UVRAG: variants seen among roughly 807,000 people sequenced by gnomAD.
The protein encoded by UVRAG is UV radiation resistance associated.
UVRAG carries 19 observed loss-of-function variants against 78.0 expected under a neutral mutation model. The observed-to-expected ratio is 0.24, with a 90% CI of 0.17 to 0.36. UVRAG has a LOEUF of 0.36. UVRAG is among the 10% of genes least tolerant of loss of function. The pLI, the probability that UVRAG is intolerant of heterozygous loss-of-function variation, is 1.00. For missense variants in UVRAG, 740 were observed against 853.8 expected, an observed-to-expected ratio of 0.87 and a Z score of 1.66; for synonymous variants, 323 against 324.6, an observed-to-expected ratio of 1.00 and a Z score of 0.05.
chr11:75,826,715 A>G (rs1276345123), intron 1 of UVRAG, among the ~76,000 whole-genome samples: 7 of 143,234 alleles, frequency 4.9e-5, no homozygotes, highest in African/African-American at 1.9e-4. Flanking sequence ...TTTTTTTTAA[A>G]TGTTCTACTT....
intron 12 of UVRAG, among the ~76,000 whole-genome samples, chr11:76,028,208 C>T (rs1950365179): frequency 1.3e-5 from 2 of 152,106 alleles, no homozygotes; most frequent in South Asian, 4.1e-4. Flanking sequence ...ATACAAACCA[C>T]ACCAATATAA....
intron 7 of UVRAG, among the ~76,000 whole-genome samples, chr11:75,979,266 T>G (rs1949333036): frequency 6.6e-6 from 1 of 152,190 alleles, no homozygotes; most frequent in South Asian, 2.1e-4. Context: ...CCTGGCCGTA[T>G]GAGGTGTCAG....
chr11:75,916,328 A>G (rs1478953247), intron 6 of UVRAG: 1 of 152,244 alleles, frequency 6.6e-6, no homozygotes, highest in Non-Finnish European at 1.5e-5. Context: ...CTCTTCTATT[A>G]GGAATATTGT....
intron 8 of UVRAG, among the ~76,000 whole-genome samples, chr11:75,998,894 A>G (rs1222201923): frequency 6.6e-6 from 1 of 152,142 alleles, no homozygotes; most frequent in Non-Finnish European, 1.5e-5. Context: ...TCTTTTTTCT[A>G]TGGCTGCCTT....
intron 12 of UVRAG, among the ~76,000 whole-genome samples, chr11:76,060,846 C>A (rs1043193726): frequency 6.6e-6 from 1 of 152,256 alleles, no homozygotes; most frequent in Non-Finnish European, 1.5e-5. Context: ...TGAGCCTCCC[C>A]CTCCTCCGTG....
intron 6 of UVRAG, among the ~76,000 whole-genome samples, chr11:75,946,195 C>G (rs1472185828): frequency 6.6e-6 from 1 of 152,122 alleles, no homozygotes; most frequent in African/African-American, 2.4e-5. Flanking sequence ...TGTTTTTTCT[C>G]TTAACACTAG....
chr11:76,035,319 A>C (rs1195559792), intron 12 of UVRAG, among the ~76,000 whole-genome samples: 1 of 152,190 alleles, frequency 6.6e-6, no homozygotes, highest in Non-Finnish European at 1.5e-5. Context: ...GGAGGTTCAT[A>C]GTTGCTTAGA....
chr11:75,880,244 T>C (rs570392215), intron 4 of UVRAG, among the ~76,000 whole-genome samples: 1 of 152,248 alleles, frequency 6.6e-6, no homozygotes, highest in Non-Finnish European at 1.5e-5. Context: ...TTTGAATCAT[T>C]GCCTAGTTTA....
At chr11:76,071,362 C>T (rs1443316332) in intron 13 of UVRAG, among the ~76,000 whole-genome samples, 1 of 152,128 alleles carries the variant, frequency 6.6e-6, no homozygotes, top group African/African-American at 2.4e-5. Context: ...TAGGAAAGAG[C>T]TATGTTGAGG....
chr11:76,112,730 C>CTTT (rs10686022), intron 13 of UVRAG, among the ~76,000 whole-genome samples: 2,782 of 139,394 alleles, frequency 0.02, 35 homozygotes, highest in South Asian at 0.041. Flanking sequence ...TTTTTCTTTT[C>CTTT]TTTTTTTTTT....
intron 8 of UVRAG, among the ~76,000 whole-genome samples, chr11:75,994,344 A>G (rs1439561166): frequency 6.6e-6 from 1 of 152,184 alleles, no homozygotes; most frequent in African/African-American, 2.4e-5. Flanking sequence ...GGCAGATGTT[A>G]CCCTCATTGT....
intron 6 of UVRAG, among the ~76,000 whole-genome samples, chr11:75,941,567 C>T (rs1307356117): frequency 2.0e-5 from 3 of 152,018 alleles, no homozygotes; most frequent in Non-Finnish European, 4.4e-5. Context: ...AAATGTTGAT[C>T]CACTTGTTTA....
intron 14 of UVRAG, 25 bp downstream of exon 14, chr11:76,116,040 C>G: frequency 6.3e-7 from 1 of 1,599,588 alleles, no homozygotes; most frequent in South Asian, 1.1e-5. Context: ...CTCTGATAAC[C>G]AGAAACTGTA....
At chr11:75,986,663 A>T (rs1949506938) in intron 8 of UVRAG, among the ~76,000 whole-genome samples, 1 of 152,192 alleles carries the variant, frequency 6.6e-6, no homozygotes, top group South Asian at 2.1e-4. Flanking sequence ...AAAGTGTATA[A>T]TTCAGTTTTT....
At chr11:76,138,031 A>G (rs115845370) in intron 14 of UVRAG, among the ~76,000 whole-genome samples, 53 of 152,346 alleles carry the variant, frequency 3.5e-4, no homozygotes, top group African/African-American at 1.2e-3. Flanking sequence ...AGGGAACTGG[A>G]GAAGAATGTC....
chr11:75,963,186 C>T (rs1335528231), intron 7 of UVRAG, among the ~76,000 whole-genome samples: 6 of 152,196 alleles, frequency 3.9e-5, no homozygotes, highest in African/African-American at 1.4e-4. Flanking sequence ...TCTCTAAGCT[C>T]TATAAGGCGA....
chr11:76,065,877 T>G, intron 13 of UVRAG, 89 bp downstream of exon 13: 1 of 1,184,804 alleles, frequency 8.4e-7, no homozygotes, highest in Non-Finnish European at 1.2e-6. Context: ...AAATATGCAC[T>G]GCAGTTGACC....
intron 1 of UVRAG, among the ~76,000 whole-genome samples, chr11:75,822,266 C>A (rs559132734): frequency 1.8e-4 from 28 of 152,272 alleles, no homozygotes; most frequent in African/African-American, 6.3e-4. Context: ...TTGATTCTAA[C>A]TTTTATCATC....
chr11:75,938,205 T>C (rs1341197645), intron 6 of UVRAG, among the ~76,000 whole-genome samples: 2 of 152,168 alleles, frequency 1.3e-5, no homozygotes, highest in Non-Finnish European at 2.9e-5. Flanking sequence ...AAGTTCAATT[T>C]GGGTTTTTCA....
Sources: gnomAD v4.1 joint callset for allele counts (sites outside exome capture counted in the v4.1 genomes callset) on GRCh38, gnomAD v4.1.1 for gene constraint, MANE v1.5 for transcripts, NCBI Gene and HGNC (gene_info 2026-07-23, HGNC 2026-07-21) for gene names.